EXPH5: variants seen among roughly 807,000 people sequenced by gnomAD.
The protein encoded by EXPH5 is exophilin 5.
In EXPH5, 42 loss-of-function variants were observed where a neutral mutation model predicts 41.1. The ratio of observed to expected loss-of-function variants is 1.02; its 90% confidence interval spans 0.80 to 1.32. EXPH5 has a LOEUF of 1.32. Ranked by LOEUF, EXPH5 falls within the 40% of genes most tolerant of loss-of-function variation. The pLI is 0.00. For synonymous variants in EXPH5, 798 were observed against 833.5 expected (o/e 0.96, Z 0.73); for missense variants, 2,298 against 2,314.5 (o/e 0.99, Z 0.15).
Position 108,513,141 on chromosome 11 carries a change from G to A in EXPH5, c.2366C>T (p.Ser789Phe). The change falls in exon 6 of 6, where the codon TCC becomes TTC. Residue 789 changes from serine (S) to phenylalanine (F), a missense_variant. Transcript: ENST00000265843. Reference protein sequence around the residue: ...SKMYIPHTDKSNDIKQDKRFT... With the variant: ...SKMYIPHTDKFNDIKQDKRFT... ...CCTCTTATCTTGTTTAATGTCATTG[G>A]ATTTATCTGTGTGCGGTATATACAT... 1 of 1,612,710 alleles carries A rather than the reference G, an allele frequency of 6.2e-7. No homozygotes were observed. Among genetic ancestry groups the A allele is most frequent in the Non-Finnish European group, 8.5e-7 (1 of 1,179,768 alleles).
intron 4 of EXPH5, among the ~76,000 whole-genome samples, chr11:108,519,437 C>T (rs779669088): frequency 3.9e-5 from 6 of 152,054 alleles, no homozygotes; most frequent in African/African-American, 4.8e-5. Flanking sequence ...AGCTAGAACT[C>T]GTAGTGGACC....
At chr11:108,529,164 A>G (rs1478521796) in intron 3 of EXPH5, among the ~76,000 whole-genome samples, 1 of 152,120 alleles carries the variant, frequency 6.6e-6, no homozygotes, top group Non-Finnish European at 1.5e-5. Flanking sequence ...AAAAACCACT[A>G]CAACAACAAA....
intron 1 of EXPH5, among the ~76,000 whole-genome samples, chr11:108,577,732 C>A (rs1408851307): frequency 6.6e-6 from 1 of 152,030 alleles, no homozygotes; most frequent in Non-Finnish European, 1.5e-5. Context: ...CAGATAATAG[C>A]CATTTTAACT....
At chr11:108,574,574 T>A (rs1360584372) in intron 1 of EXPH5, among the ~76,000 whole-genome samples, 1 of 152,230 alleles carries the variant, frequency 6.6e-6, no homozygotes, top group Non-Finnish European at 1.5e-5. Flanking sequence ...CAGTGTTGAC[T>A]GCCTTCTAGA....
At position 108,513,952 on chromosome 11, in the gene EXPH5, C is replaced by T. The variant is rs775266548; in HGVS notation, c.1555G>A (p.Ala519Thr). The T allele has an allele frequency of 4.4e-6, 7 of 1,608,170 alleles. No homozygotes were observed. The highest frequency in any genetic ancestry group is 5.9e-6 in the Non-Finnish European group (7 of 1,177,640). The change falls in exon 6 of 6, where the codon GCC (alanine) becomes ACC (threonine). Residue 519 changes from alanine to threonine, a missense_variant. Coordinates refer to ENST00000265843, the MANE Select transcript of EXPH5 (RefSeq NM_015065.3). Reference protein sequence around the residue: ...MISMEANSVSAIHGHNVSSEH... With the variant: ...MISMEANSVSTIHGHNVSSEH... ...GAAGAAACATTATGGCCATGAATGG[C>T]TGATACACTATTTGCTTCCATGGAA...
intron 5 of EXPH5, 94 bp downstream of exon 5, chr11:108,518,141 T>A: frequency 2.7e-6 from 3 of 1,131,002 alleles, no homozygotes; most frequent in Non-Finnish European, 2.6e-6. Context: ...AAGTACAGTG[T>A]TTCATATGTT....
rs4643041 is a variant in EXPH5, at chr11:108,507,480, T to G, written c.*2057A>C. ...CCAAGCAAGATAAAATCCACTCATGTTGACTATCATAGTATTGAGATCCAG... is the reference window on the plus strand; with the variant it reads ...CCAAGCAAGATAAAATCCACTCATGGTGACTATCATAGTATTGAGATCCAG... On this transcript the variant is annotated 3_prime_UTR_variant, in exon 6 of 6. Coordinates refer to ENST00000265843, the MANE Select transcript of EXPH5 (RefSeq NM_015065.3). 31,126 of 152,140 alleles carry G rather than the reference T, an allele frequency of 0.2. 3,378 individuals are homozygous for G. The highest frequency in any genetic ancestry group is 0.26 in the African/African-American group (10,961 of 41,494). The allele number at this position is 152,140 out of a possible 1,614,324, so 9.4% of individuals were successfully genotyped here.
chr11:108,596,935 C>G (rs2094139638), upstream of EXPH5, among the ~76,000 whole-genome samples: 3 of 152,186 alleles, frequency 2.0e-5, no homozygotes, highest in African/African-American at 7.2e-5. Flanking sequence ...CGGAGGCAAG[C>G]AGCCATTTTC....
At chr11:108,526,341 G>A (rs372689823) in intron 4 of EXPH5, among the ~76,000 whole-genome samples, 21 of 152,256 alleles carry the variant, frequency 1.4e-4, no homozygotes, top group African/African-American at 3.9e-4. Flanking sequence ...AAATGGTTTC[G>A]TGCAAGTGGG....
intron 4 of EXPH5, among the ~76,000 whole-genome samples, chr11:108,526,165 C>A (rs1056356592): frequency 6.6e-6 from 1 of 152,042 alleles, no homozygotes; most frequent in African/African-American, 2.4e-5. Context: ...TCAATCAATC[C>A]TCCCACCTTG....
intron 1 of EXPH5, among the ~76,000 whole-genome samples, chr11:108,579,030 C>T (rs946953899): frequency 6.6e-6 from 1 of 152,150 alleles, no homozygotes; most frequent in Non-Finnish European, 1.5e-5. Context: ...GCTAGGACTT[C>T]CAGTATTCTG....
chr11:108,551,707 A>G (rs1031908390), intron 1 of EXPH5, among the ~76,000 whole-genome samples: 2 of 152,112 alleles, frequency 1.3e-5, no homozygotes, highest in Admixed American at 1.3e-4. Context: ...TAGTCCCTTG[A>G]TCTCCTACAA....
chr11:108,605,268 C>T, the EXPH5 span, among the ~76,000 whole-genome samples: 1 of 152,162 alleles, frequency 6.6e-6, no homozygotes, highest in Non-Finnish European at 1.5e-5. Context: ...TCTGCTGGGG[C>T]TCTTCTCATC....
rs199519474 is a variant in EXPH5 at position 108,582,576 on chromosome 11, AAAG to A, written c.119+10839_119+10841del. 4.7e-3 allele frequency among the ~76,000 whole-genome samples: 714 copies of A among 152,360 alleles called. 5 individuals carry two copies. Among genetic ancestry groups the A allele is most frequent in the African/African-American group, 0.016 (665 of 41,574 alleles). On this transcript the variant is annotated intron_variant, in intron 1 of 5. Coordinates refer to ENST00000265843, the MANE Select transcript of EXPH5 (RefSeq NM_015065.3). ...TAGCAAATGTAGTGAAATCATATAA[AAAG>A]AATAGTACATGATGATCAAGTGGGA...
At chr11:108,599,796 C>T in the EXPH5 span, among the ~76,000 whole-genome samples, 2 of 152,280 alleles carry the variant, frequency 1.3e-5, no homozygotes, top group African/African-American at 4.8e-5. Flanking sequence ...GCAGCCTTCT[C>T]ATCAGTAAAG....
chr11:108,581,827 T>A (rs2094099182), intron 1 of EXPH5, among the ~76,000 whole-genome samples: 1 of 152,116 alleles, frequency 6.6e-6, no homozygotes, highest in Non-Finnish European at 1.5e-5. Flanking sequence ...TATTCCTACA[T>A]AATATTCAGA....
chr11:108,553,968 G>A (rs1037187012), intron 1 of EXPH5, among the ~76,000 whole-genome samples: 1 of 152,046 alleles, frequency 6.6e-6, no homozygotes, highest in African/African-American at 2.4e-5. Flanking sequence ...CCTTATGAAG[G>A]TAGATAATAT....
rs114144322 is a variant in EXPH5, at chr11:108,513,546, T to C, written c.1961A>G (p.Gln654Arg). 2.7e-4 allele frequency: 428 copies of C among 1,614,232 alleles called. No individual in the cohort carries two copies. The East Asian group carries it at 9.2e-3, about 35-fold the overall frequency. ...GGCAGGCTTATTTGGAAAAATTTTCTGCAAAGTGACTGTGGGATTCTGCAA... is the reference window on the plus strand; with the variant it reads ...GGCAGGCTTATTTGGAAAAATTTTCCGCAAAGTGACTGTGGGATTCTGCAA... ...PNLQNPTVTL[Q>R]KIFPNKPASH... The change falls in exon 6 of 6, where the codon CAG becomes CGG. Residue 654 changes from glutamine to arginine, a missense_variant. Coordinates refer to ENST00000265843, the MANE Select transcript of EXPH5 (RefSeq NM_015065.3).
chr11:108,567,349 A>C (rs1247834159), intron 1 of EXPH5, among the ~76,000 whole-genome samples: 1 of 152,242 alleles, frequency 6.6e-6, no homozygotes, highest in East Asian at 1.9e-4. Context: ...TAATGGAAGC[A>C]TTAAGCCATA....
Sources: allele counts gnomAD v4.1 joint callset (sites outside exome capture counted in the v4.1 genomes callset), GRCh38; gene constraint gnomAD v4.1.1; transcripts MANE v1.5; gene names NCBI Gene and HGNC (gene_info 2026-07-23, HGNC 2026-07-21).